The following CLVS1 variants were observed in gnomAD, a reference collection of about 807,000 sequenced individuals.
CLVS1 encodes clavesin-1.
A neutral mutation model predicts 33.1 loss-of-function variants in CLVS1; 10 were observed. The ratio of observed to expected loss-of-function variants is 0.30; its 90% CI spans 0.19 to 0.51. The LOEUF (loss-of-function observed/expected upper bound fraction) is 0.51, where lower values mean the gene tolerates loss of function less well. Among genes scored for constraint, CLVS1 ranks in the 20% least tolerant of loss-of-function variants. CLVS1 has a pLI of 0.97. For missense variants in CLVS1, 343 were observed against 433.4 expected, an observed-to-expected ratio of 0.79 and a Z score of 1.85; for synonymous variants, 163 against 166.1, an observed-to-expected ratio of 0.98 and a Z score of 0.14.
At chr8:61,136,267 G>A (rs571053316) in intron 2 of CLVS1, among the ~76,000 whole-genome samples, 1 of 152,310 alleles carries the variant, frequency 6.6e-6, no homozygotes, top group South Asian at 2.1e-4. Context: ...CTGGAGATGT[G>A]ATTTCCCTGC....
chr8:61,444,423 C>G (rs930477513), intron 3 of CLVS1, among the ~76,000 whole-genome samples: 1 of 152,162 alleles, frequency 6.6e-6, no homozygotes, highest in East Asian at 1.9e-4. Context: ...TTTTTCTGAG[C>G]ATTTTTAACA....
chr8:60,998,819 G>A, the CLVS1 span, among the ~76,000 whole-genome samples: 1 of 152,216 alleles, frequency 6.6e-6, no homozygotes, highest in African/African-American at 2.4e-5. Context: ...CCCAGTGTCA[G>A]CTGAGTTGCA....
intron 2 of CLVS1, among the ~76,000 whole-genome samples, chr8:61,338,752 G>A (rs577610155): frequency 1.7e-4 from 26 of 152,244 alleles, no homozygotes; most frequent in African/African-American, 5.5e-4. Flanking sequence ...TGACAAACAC[G>A]CCGAGGGACC....
intron 5 of CLVS1, among the ~76,000 whole-genome samples, chr8:61,498,328 C>T (rs565696211): frequency 4.6e-5 from 7 of 152,306 alleles, no homozygotes; most frequent in African/African-American, 1.7e-4. Context: ...AGGTAGACTA[C>T]TCTAAGGGCT....
At chr8:61,155,951 G>A (rs116009974) in intron 2 of CLVS1, among the ~76,000 whole-genome samples, 4 of 152,138 alleles carry the variant, frequency 2.6e-5, no homozygotes, top group African/African-American at 7.2e-5. Flanking sequence ...AATGGCTCAC[G>A]CCTGTAATCT....
At chr8:61,115,652 A>G (rs1805707357) in intron 1 of CLVS1, among the ~76,000 whole-genome samples, 2 of 151,632 alleles carry the variant, frequency 1.3e-5, no homozygotes, top group South Asian at 2.1e-4. Flanking sequence ...GCGATAGTGT[A>G]CTGAGAATGA....
chr8:61,252,061 T>C (rs1250409456), intron 2 of CLVS1, among the ~76,000 whole-genome samples: 2 of 152,208 alleles, frequency 1.3e-5, no homozygotes, highest in African/African-American at 4.8e-5. Context: ...TTTAGTGCTA[T>C]AAATTTCCCT....
intron 2 of CLVS1, among the ~76,000 whole-genome samples, chr8:61,146,169 G>C (rs16926934): frequency 0.24 from 35,795 of 151,264 alleles, 4,510 homozygotes; most frequent in East Asian, 0.39. Context: ...GGCTTCACAG[G>C]AAAAAAAAAT....
intron 2 of CLVS1, among the ~76,000 whole-genome samples, chr8:61,152,292 G>A (rs1025398213): frequency 6.6e-6 from 1 of 152,108 alleles, no homozygotes. Context: ...ATCTCTTCTT[G>A]TATGGGCATG....
intron 1 of CLVS1, among the ~76,000 whole-genome samples, chr8:61,118,944 G>A (rs1339950116): frequency 1.5e-4 from 23 of 152,140 alleles, no homozygotes; most frequent in South Asian, 6.2e-4. Context: ...TTTCTGTCTC[G>A]TTGATCTGTC....
intron 1 of CLVS1, among the ~76,000 whole-genome samples, chr8:61,078,260 G>GAC (rs2129281982): frequency 6.6e-6 from 1 of 152,332 alleles, no homozygotes; most frequent in Admixed American, 6.5e-5. Context: ...GTGTGACCTT[G>GAC]ACACACACAG....
intron 3 of CLVS1, among the ~76,000 whole-genome samples, chr8:61,450,190 T>C (rs975795719): frequency 6.6e-6 from 1 of 152,162 alleles, no homozygotes; most frequent in African/African-American, 2.4e-5. Context: ...AGTCTAAAAA[T>C]TGAGTAAAGT....
At position 61,171,741 on chromosome 8, in the gene CLVS1, T is replaced by G. The variant is rs1351868854; in HGVS notation, c.-152+39881T>G. On this transcript the variant is annotated intron_variant, in intron 2 of 2. Coordinates refer to the CLVS1 transcript ENST00000522621. ...TCTTAAGAGCTATACATCTTTAATT[T>G]TAGCTGGGACAGCTAAGTATATCCA... 3.3e-5 allele frequency among the ~76,000 whole-genome samples: 5 copies of G among 152,322 alleles called. No individual in the cohort carries two copies. In the Middle Eastern group the frequency reaches 0.01, roughly 311 times the overall value.
chr8:61,118,976 A>T (rs1341176683), intron 1 of CLVS1, among the ~76,000 whole-genome samples: 7 of 152,110 alleles, frequency 4.6e-5, no homozygotes, highest in Non-Finnish European at 1.0e-4. Flanking sequence ...GTGGGGTGTT[A>T]AAGTCTCCCA....
Position 61,093,243 on chromosome 8 carries a change from A to T in CLVS1, c.-243+36013A>T, listed in dbSNP as rs79651924. On this transcript the variant is annotated intron_variant, in intron 1 of 2. Transcript: ENST00000522621. ...AATCAAAATAGACATACCAAGCCAC[A>T]CAAAACTGTGTCCCCTATATACCTT... 8.8e-3 allele frequency among the ~76,000 whole-genome samples: 1,346 copies of T among 152,338 alleles called. 18 individuals carry two copies. Among genetic ancestry groups the T allele is most frequent in the African/African-American group, 0.031 (1,281 of 41,558 alleles).
chr8:61,177,381 C>T (rs921015633), intron 2 of CLVS1, among the ~76,000 whole-genome samples: 1 of 152,224 alleles, frequency 6.6e-6, no homozygotes, highest in Admixed American at 6.5e-5. Context: ...CTCCATGGAC[C>T]AGCATAATTA....
At chr8:61,137,098 G>A (rs1270375203) in intron 2 of CLVS1, among the ~76,000 whole-genome samples, 1 of 152,184 alleles carries the variant, frequency 6.6e-6, no homozygotes, top group Non-Finnish European at 1.5e-5. Context: ...TCTATCTAGG[G>A]CTTCACTGGG....
intron 2 of CLVS1, among the ~76,000 whole-genome samples, chr8:61,195,677 AT>A (rs1807589647): frequency 6.6e-6 from 1 of 152,104 alleles, no homozygotes. Flanking sequence ...TCAGATGAAA[AT>A]ATATGAGAAA....
intron 1 of CLVS1, among the ~76,000 whole-genome samples, chr8:61,107,751 T>C (rs1805562995): frequency 6.6e-6 from 1 of 152,278 alleles, no homozygotes. Context: ...GTTTGCTGAA[T>C]TGAACTAAAA....
Sources: gnomAD v4.1 joint callset for allele counts (sites outside exome capture counted in the v4.1 genomes callset) on GRCh38, gnomAD v4.1.1 for gene constraint, MANE v1.5 for transcripts, NCBI Gene and HGNC (gene_info 2026-07-23, HGNC 2026-07-21) for gene names.